TNFRSF11B: variants seen among roughly 807,000 people sequenced by gnomAD.
The protein encoded by TNFRSF11B is tumor necrosis factor receptor superfamily member 11B.
In TNFRSF11B, 16 loss-of-function variants were observed where a neutral mutation model predicts 43.4. The observed-to-expected ratio is 0.37, with a 90% confidence interval of 0.25 to 0.56. TNFRSF11B has a LOEUF of 0.56. Among genes scored for constraint, TNFRSF11B ranks in the 20% least tolerant of loss-of-function variants. The pLI is 0.80. For missense variants in TNFRSF11B, 444 were observed against 490.1 expected (o/e 0.91, Z 0.89); for synonymous variants, 185 against 181.8 (o/e 1.02, Z -0.14).
Position 118,933,043 on chromosome 8 carries a change from C to T in TNFRSF11B, c.288G>A (p.Glu96=). 1.2e-6 allele frequency: 2 copies of T among 1,614,204 alleles called. No individual in the cohort carries two copies. Among genetic ancestry groups the T allele is most frequent in the Non-Finnish European group, 1.7e-6 (2 of 1,180,034 alleles). ...VCKELQYVKQ[E]CNRTHNRVCE... ...ACACGCGGTTGTGGGTGCGATTGCACTCCTGCTTGACGTACTGCAGCTCCT... is the reference window on the plus strand; with the variant it reads ...ACACGCGGTTGTGGGTGCGATTGCATTCCTGCTTGACGTACTGCAGCTCCT... Residue 96 remains glutamate (E), a synonymous_variant, in exon 2 of 5, where the codon GAG becomes GAA. Coordinates refer to ENST00000297350, the MANE Select transcript of TNFRSF11B (RefSeq NM_002546.4).
At chr8:118,945,556 A>T (rs944680500) in intron 1 of TNFRSF11B, among the ~76,000 whole-genome samples, 1 of 152,180 alleles carries the variant, frequency 6.6e-6, no homozygotes. Flanking sequence ...CACCACTGCC[A>T]TTGCAAAAGT....
chr8:118,941,525 T>G (rs567981899), intron 1 of TNFRSF11B, among the ~76,000 whole-genome samples: 1 of 152,184 alleles, frequency 6.6e-6, no homozygotes, highest in Non-Finnish European at 1.5e-5. Context: ...TCAGGTAAAA[T>G]TTAACTTTCA....
At chr8:118,931,806 A>AC (rs1323671669) in intron 2 of TNFRSF11B, among the ~76,000 whole-genome samples, 2 of 152,214 alleles carry the variant, frequency 1.3e-5, no homozygotes, top group African/African-American at 4.8e-5. Context: ...GACTTTGTAT[A>AC]TCACAAGTTT....
intron 1 of TNFRSF11B, among the ~76,000 whole-genome samples, chr8:118,951,520 T>TTCTC (rs10550502): frequency 4.0e-5 from 6 of 150,790 alleles, no homozygotes; most frequent in East Asian, 2.0e-4. Context: ...TCAAACAAGT[T>TTCTC]TCTCTCTCTC....
chr8:118,930,246 C>G (rs561811815), intron 2 of TNFRSF11B, among the ~76,000 whole-genome samples: 1 of 152,332 alleles, frequency 6.6e-6, no homozygotes, highest in South Asian at 2.1e-4. Context: ...GGATACAACT[C>G]TATATCAAAT....
intron 2 of TNFRSF11B, among the ~76,000 whole-genome samples, chr8:118,930,986 TTAC>T (rs1812320351): frequency 6.6e-6 from 1 of 152,200 alleles, no homozygotes; most frequent in Admixed American, 6.5e-5. Flanking sequence ...TTTTACCTTA[TTAC>T]TATCAGTGGA....
chr8:118,947,491 G>A (rs1812581831), intron 1 of TNFRSF11B, among the ~76,000 whole-genome samples: 2 of 152,142 alleles, frequency 1.3e-5, no homozygotes, highest in South Asian at 2.1e-4. Flanking sequence ...ATCTGTGGGG[G>A]CATTTCTCTG....
chr8:118,930,928 T>A (rs1812319518), intron 2 of TNFRSF11B, among the ~76,000 whole-genome samples: 1 of 152,226 alleles, frequency 6.6e-6, no homozygotes, highest in African/African-American at 2.4e-5. Flanking sequence ...CTTCCCTCTA[T>A]AACTGATGGT....
intron 1 of TNFRSF11B, among the ~76,000 whole-genome samples, chr8:118,949,588 G>C (rs1486983470): frequency 6.6e-6 from 1 of 152,192 alleles, no homozygotes; most frequent in African/African-American, 2.4e-5. Context: ...TGGTCCACAT[G>C]ATAACACTGC....
intron 1 of TNFRSF11B, among the ~76,000 whole-genome samples, chr8:118,947,158 G>A (rs1037925165): frequency 6.6e-6 from 1 of 152,168 alleles, no homozygotes; most frequent in East Asian, 1.9e-4. Context: ...AGGTGGGTAG[G>A]GTGTTATGTG....
Position 118,924,501 on chromosome 8 carries a change from G to C in TNFRSF11B, c.1079C>G (p.Thr360Ser). 6.2e-7 allele frequency: 1 copy of C among 1,614,042 alleles called. No individual in the cohort carries two copies. Reference protein sequence around the residue: ...KHSKTYHFPKTVTQSLKKTIR... With the variant: ...KHSKTYHFPKSVTQSLKKTIR... ...GGTCTTCTTTAGACTCTGAGTGACA[G>C]TTTTGGGAAAGTGGTACGTCTTTGA... The change falls in exon 5 of 5, where the codon ACT (threonine) becomes AGT (serine). Residue 360 changes from threonine (T) to serine (S), a missense_variant. Transcript: ENST00000297350.
At chr8:118,932,842 T>A in intron 2 of TNFRSF11B, 89 bp downstream of exon 2, 1 of 1,561,066 alleles carries the variant, frequency 6.4e-7, no homozygotes, top group Non-Finnish European at 8.7e-7. Context: ...TATCCTATAA[T>A]GTCATCAGAA....
chr8:118,936,419 A>C (rs1812406890), intron 1 of TNFRSF11B, among the ~76,000 whole-genome samples: 1 of 152,166 alleles, frequency 6.6e-6, no homozygotes, highest in African/African-American at 2.4e-5. Context: ...TTTAGGTCTC[A>C]ATCTTTGGTT....
At chr8:118,927,749 TA>T (rs1812263531) in intron 3 of TNFRSF11B, among the ~76,000 whole-genome samples, 2 of 152,256 alleles carry the variant, frequency 1.3e-5, no homozygotes, top group African/African-American at 4.8e-5. Flanking sequence ...ATTGCTTGAT[TA>T]AACACAAAAA....
In TNFRSF11B at chr8:118,923,824, T is replaced by A. The variant is rs1290407495; in HGVS notation, c.*550A>T. 6.6e-6 allele frequency: 1 copy of A among 152,636 alleles called. No homozygotes were observed. Among genetic ancestry groups the A allele is most frequent in the Non-Finnish European group, 1.5e-5 (1 of 68,112 alleles). The allele number at this position is 152,636 out of a possible 1,614,324, so 9.5% of individuals were successfully genotyped here. On this transcript the variant is annotated 3_prime_UTR_variant, in exon 5 of 5. Coordinates refer to ENST00000297350, the MANE Select transcript of TNFRSF11B (RefSeq NM_002546.4). ...AATGCTACAAACTTTCCATTAAAAA[T>A]ATATATTTTCTCTTTCATTTGTCAT...
intron 4 of TNFRSF11B, among the ~76,000 whole-genome samples, chr8:118,925,037 GAC>G (rs1449566507): frequency 1.1e-4 from 17 of 152,110 alleles, no homozygotes; most frequent in African/African-American, 4.1e-4. Flanking sequence ...TAGAAAATAA[GAC>G]ACATCACTCT....
chr8:118,926,627 A>C lies in TNFRSF11B; in HGVS notation c.684T>G (p.Pro228=). Residue 228 remains proline (P), a synonymous_variant, in exon 4 of 5, where the codon CCT becomes CCG. Transcript: ENST00000297350. ...CACTCTCTGCGTTTACTTTGGTGCCAGGCAAATTGTCTACCAAGACACTAA... is the reference window on the plus strand; with the variant it reads ...CACTCTCTGCGTTTACTTTGGTGCCCGGCAAATTGTCTACCAAGACACTAA... ...NWLSVLVDNL[P]GTKVNAESVE... 1 of 1,614,118 alleles carries C rather than the reference A, an allele frequency of 6.2e-7. No homozygotes were observed.
At chr8:118,935,593 A>T (rs1812394050) in intron 1 of TNFRSF11B, among the ~76,000 whole-genome samples, 1 of 152,080 alleles carries the variant, frequency 6.6e-6, no homozygotes, top group Non-Finnish European at 1.5e-5. Context: ...ATTCTCCTAT[A>T]ATATATATAG....
chr8:118,930,392 A>G (rs1182127554), intron 2 of TNFRSF11B: 1 of 155,598 alleles, frequency 6.4e-6, no homozygotes, highest in African/African-American at 2.4e-5. Context: ...CTGCATGAAG[A>G]AGAATCTTTT....
Sources: gnomAD v4.1 joint callset for allele counts (sites outside exome capture counted in the v4.1 genomes callset) on GRCh38, gnomAD v4.1.1 for gene constraint, MANE v1.5 for transcripts, NCBI Gene and HGNC (gene_info 2026-07-23, HGNC 2026-07-21) for gene names.